PTPRM: variants seen among roughly 807,000 people sequenced by gnomAD.
PTPRM encodes receptor-type tyrosine-protein phosphatase mu.
In PTPRM, 47 loss-of-function variants were observed where a neutral mutation model predicts 186.7. The observed-to-expected ratio is 0.25, with a 90% CI of 0.20 to 0.32. PTPRM has a LOEUF of 0.32. Among genes scored for constraint, PTPRM ranks in the 10% least tolerant of loss-of-function variants. The pLI is 1.00. For missense variants in PTPRM, 1,494 were observed against 1,865.0 expected (o/e 0.80, Z 3.66); for synonymous variants, 668 against 674.9 (o/e 0.99, Z 0.16).
In PTPRM at chr18:8,171,042, A is replaced by T. The variant is rs2093393379; in HGVS notation, c.2300+27263A>T. On this transcript the variant is annotated intron_variant, in intron 14 of 32. Coordinates refer to ENST00000580170, the MANE Select transcript of PTPRM (RefSeq NM_001105244.2). Reference sequence around the variant, plus strand: ...TCTTCAGTCATTTTGCTGAGGGCTAAGAGATGAGGGTAAGACCCTTGGGCT... The same window carrying T: ...TCTTCAGTCATTTTGCTGAGGGCTATGAGATGAGGGTAAGACCCTTGGGCT... Among the ~76,000 whole-genome samples the T allele has an allele frequency of 2.6e-5, 4 of 152,194 alleles. No individual in the cohort carries two copies. The South Asian group carries it at 8.3e-4, about 32-fold the overall frequency.
At chr18:7,672,028 T>C (rs1413972189) in intron 1 of PTPRM, among the ~76,000 whole-genome samples, 1 of 152,212 alleles carries the variant, frequency 6.6e-6, no homozygotes, top group African/African-American at 2.4e-5. Context: ...ATTCAGTTAA[T>C]TGAAAGATAA....
chr18:7,726,793 T>C (rs2040559081), intron 1 of PTPRM, among the ~76,000 whole-genome samples: 1 of 152,242 alleles, frequency 6.6e-6, no homozygotes, highest in South Asian at 2.1e-4. Flanking sequence ...TTGATACTGC[T>C]TTTCTATTTA....
At chr18:8,073,517 T>A (rs1035459243) in intron 8 of PTPRM, among the ~76,000 whole-genome samples, 3 of 152,228 alleles carry the variant, frequency 2.0e-5, no homozygotes, top group African/African-American at 7.2e-5. Context: ...TTTCTAATGT[T>A]TTTTGTTGCT....
At chr18:8,309,350 G>T (rs893624423) in intron 20 of PTPRM, among the ~76,000 whole-genome samples, 2 of 152,114 alleles carry the variant, frequency 1.3e-5, no homozygotes, top group Non-Finnish European at 1.5e-5. Flanking sequence ...TGCCTTTCTA[G>T]TGGGTATGTG....
intron 2 of PTPRM, among the ~76,000 whole-genome samples, chr18:7,827,096 T>TCAAAAA (rs771493805): frequency 3.3e-5 from 5 of 152,256 alleles, no homozygotes; most frequent in Middle Eastern, 6.8e-3. Flanking sequence ...CAAGGCCCTG[T>TCAAAAA]CAAAAACAAA....
At chr18:7,616,257 G>A (rs1375578013) in intron 1 of PTPRM, among the ~76,000 whole-genome samples, 1 of 152,264 alleles carries the variant, frequency 6.6e-6, no homozygotes, top group Admixed American at 6.5e-5. Flanking sequence ...CTTGGTCAAG[G>A]CTGTGATCTT....
intron 1 of PTPRM, among the ~76,000 whole-genome samples, chr18:7,717,422 C>T (rs2040359459): frequency 1.3e-5 from 2 of 152,146 alleles, no homozygotes; most frequent in South Asian, 4.1e-4. Context: ...GCCCCATCCC[C>T]TTTTTGTCTC....
At chr18:7,798,663 A>G (rs752467870) in intron 2 of PTPRM, among the ~76,000 whole-genome samples, 2 of 152,094 alleles carry the variant, frequency 1.3e-5, no homozygotes, top group Non-Finnish European at 2.9e-5. Flanking sequence ...TCTTTAGACC[A>G]TATTTTTGTG....
chr18:7,893,988 T>C (rs768842401), intron 3 of PTPRM, among the ~76,000 whole-genome samples: 35 of 151,996 alleles, frequency 2.3e-4, no homozygotes, highest in Admixed American at 5.9e-4. Context: ...TTAGAGATGG[T>C]CAGAAGAAAA....
chr18:8,373,810 G>A (rs983815134), intron 24 of PTPRM, among the ~76,000 whole-genome samples: 6 of 151,574 alleles, frequency 4.0e-5, no homozygotes, highest in Non-Finnish European at 8.8e-5. Flanking sequence ...GCCTGAGCCC[G>A]AGAGTTCAAG....
chr18:7,809,843 TGA>T (rs2044418497), intron 2 of PTPRM, among the ~76,000 whole-genome samples: 1 of 152,062 alleles, frequency 6.6e-6, no homozygotes, highest in Non-Finnish European at 1.5e-5. Flanking sequence ...GAGGAAAGAA[TGA>T]GAGGATTAAA....
intron 14 of PTPRM, among the ~76,000 whole-genome samples, chr18:8,157,445 CCATGGAGAG>C (rs1374942723): frequency 6.6e-6 from 1 of 152,134 alleles, no homozygotes; most frequent in Non-Finnish European, 1.5e-5. Flanking sequence ...TCTCCTTTTC[CCATGGAGAG>C]CATCATTTCT....
Position 7,720,818 on chromosome 18 carries a change from A to G in PTPRM, c.74-53331A>G, listed in dbSNP as rs150455467. On this transcript the variant is annotated intron_variant, in intron 1 of 32. Transcript: ENST00000580170. Reference sequence around the variant, plus strand: ...CATGTCAGAATTTCCTTCCTTTGTAAGGATGAATAATGTTCCATTGTATGT... The same window carrying G: ...CATGTCAGAATTTCCTTCCTTTGTAGGGATGAATAATGTTCCATTGTATGT... Among the ~76,000 whole-genome samples, 574 of 152,284 alleles carry G rather than the reference A, an allele frequency of 3.8e-3. 4 individuals carry two copies. The highest frequency in any genetic ancestry group is 0.013 in the African/African-American group (537 of 41,570).
intron 14 of PTPRM, among the ~76,000 whole-genome samples, chr18:8,233,186 C>T (rs552093211): frequency 6.6e-6 from 1 of 152,320 alleles, no homozygotes; most frequent in East Asian, 1.9e-4. Context: ...GCACACTACA[C>T]ACCTTGGCCT....
intron 31 of PTPRM, among the ~76,000 whole-genome samples, chr18:8,393,516 C>A (rs1312431243): frequency 2.0e-5 from 3 of 152,202 alleles, no homozygotes; most frequent in Admixed American, 6.5e-5. Context: ...ACGACTGGAT[C>A]CTGGACCAGA....
intron 6 of PTPRM, among the ~76,000 whole-genome samples, chr18:7,953,817 T>G (rs927292145): frequency 6.6e-6 from 1 of 152,176 alleles, no homozygotes; most frequent in African/African-American, 2.4e-5. Flanking sequence ...TAGCTATGTC[T>G]GCCATGCAAG....
At chr18:7,586,083 A>C (rs1245120154) in intron 1 of PTPRM, among the ~76,000 whole-genome samples, 1 of 152,222 alleles carries the variant, frequency 6.6e-6, no homozygotes, top group Non-Finnish European at 1.5e-5. Flanking sequence ...CAACTGAAGC[A>C]AAGTGGCCAA....
chr18:7,805,593 G>T (rs1215773348), intron 2 of PTPRM, among the ~76,000 whole-genome samples: 2 of 152,110 alleles, frequency 1.3e-5, no homozygotes, highest in Non-Finnish European at 2.9e-5. Context: ...TTAACCCTTG[G>T]TGATTGTATT....
chr18:8,284,100 G>A (rs1168593233), intron 19 of PTPRM, among the ~76,000 whole-genome samples: 1 of 152,158 alleles, frequency 6.6e-6, no homozygotes, highest in Non-Finnish European at 1.5e-5. Flanking sequence ...TTGTGTGAAA[G>A]TCCATTCTGG....
Sources: gnomAD v4.1 joint callset for allele counts (sites outside exome capture counted in the v4.1 genomes callset) on GRCh38, gnomAD v4.1.1 for gene constraint, MANE v1.5 for transcripts, NCBI Gene and HGNC (gene_info 2026-07-23, HGNC 2026-07-21) for gene names.